Variants in FOXP3 observed in about 807,000 individuals in gnomAD.
FOXP3 encodes forkhead box P3.
Under a neutral mutation model 31.2 loss-of-function variants are expected in FOXP3, and 5 were observed. The observed-to-expected ratio is 0.16, with a 90% confidence interval of 0.08 to 0.34. FOXP3 has a LOEUF of 0.34. Among genes scored for constraint, FOXP3 ranks in the 10% least tolerant of loss-of-function variants. FOXP3 has a pLI of 1.00. For missense variants in FOXP3, 251 were observed against 363.0 expected, an observed-to-expected ratio of 0.69 and a Z score of 2.51; for synonymous variants, 141 against 148.8, an observed-to-expected ratio of 0.95 and a Z score of 0.38.
intron 8 of FOXP3, among the ~76,000 whole-genome samples, chrX:49,254,907 C>T (rs1468760837): frequency 1.8e-5 from 2 of 110,161 alleles, no homozygotes; most frequent in Non-Finnish European, 3.8e-5. Flanking sequence ...GCTTTAACAA[C>T]TCAGGATCAC....
At chrX:49,256,219 AAAGAGAGAGAGAGAGAG>A (rs2066069806) in intron 6 of FOXP3, among the ~76,000 whole-genome samples, 2 of 30,470 alleles carry the variant, frequency 6.6e-5, no homozygotes, top group Non-Finnish European at 1.4e-4. Flanking sequence ...AGAGAGAGAG[AAAGAGAGAGAGAGAGAG>A]AGAGAGAGAG....
Position 49,251,776 on chromosome X carries a change from G to T in FOXP3, c.1045-11C>A. On this transcript the variant is annotated splice_polypyrimidine_tract_variant and intron_variant, in intron 10 of 11. Coordinates refer to ENST00000376207, the MANE Select transcript of FOXP3 (RefSeq NM_014009.4). The stretch of plus-strand genomic sequence containing the variant: ...AGCCTCCAGGATGGCCTGGAAGTTG[G>T]GGGGTGGGGTAAGGGGCACATTCCC... The T allele has an allele frequency of 1.7e-6, 2 of 1,199,522 alleles. No homozygotes were observed. The highest frequency in any genetic ancestry group is 2.2e-6 in the Non-Finnish European group (2 of 894,800).
intron 8 of FOXP3, 140 bp from the exon 9 acceptor site, chrX:49,254,207 C>G (rs1335320576): frequency 1.4e-6 from 1 of 698,966 alleles, no homozygotes; most frequent in Non-Finnish European, 2.0e-6. Context: ...TCTCGGCTCA[C>G]TGCAACCCCC....
At chrX:49,254,757 T>C (rs1220272600) in intron 8 of FOXP3, among the ~76,000 whole-genome samples, 1 of 111,229 alleles carries the variant, frequency 9.0e-6, no homozygotes, top group African/African-American at 3.3e-5. Flanking sequence ...GCGTGTGACC[T>C]ATGTGGTTAT....
intron 8 of FOXP3, among the ~76,000 whole-genome samples, chrX:49,254,733 G>C (rs2066057277): frequency 9.0e-6 from 1 of 111,307 alleles, no homozygotes; most frequent in Non-Finnish European, 1.9e-5. Context: ...TGGCCTCCAG[G>C]GCTGGCTTCA....
At chrX:49,259,086 G>A (rs782406566) in intron 1 of FOXP3, 2 of 501,650 alleles carry the variant, frequency 4.0e-6, no homozygotes, top group South Asian at 2.7e-5. Flanking sequence ...TGGAGAAGGC[G>A]AGAAGTGGGT....
chrX:49,251,826 T>C (rs1283848957), intron 10 of FOXP3, 61 bp from the exon 11 acceptor site: 7 of 1,180,369 alleles, frequency 5.9e-6, no homozygotes. Flanking sequence ...AGAGGGGCTA[T>C]GACCTACCCC....
intron 1 of FOXP3, 57 bp from the exon 2 acceptor site, chrX:49,258,584 C>A: frequency 5.2e-6 from 5 of 960,054 alleles, no homozygotes; most frequent in Non-Finnish European, 7.0e-6. Context: ...ATGAGATACT[C>A]GACCACCTGA....
At chrX:49,252,469 G>C (rs1370099327) in intron 10 of FOXP3, among the ~76,000 whole-genome samples, 1 of 110,401 alleles carries the variant, frequency 9.1e-6, no homozygotes, top group Non-Finnish European at 1.9e-5. Context: ...TATCAGTCAG[G>C]ATGGGGCTAG....
intron 10 of FOXP3, 83 bp from the exon 11 acceptor site, chrX:49,251,848 C>T (rs2066034897): frequency 1.7e-6 from 2 of 1,164,748 alleles, no homozygotes; most frequent in Non-Finnish European, 2.3e-6. Context: ...AGCCATCTGA[C>T]ATGGGGGCGG....
chrX:49,253,904 G>A lies in FOXP3; in HGVS notation c.967+13C>T, dbSNP rs782436363. On this transcript the variant is annotated intron_variant, in intron 9 of 11. Coordinates refer to ENST00000376207, the MANE Select transcript of FOXP3 (RefSeq NM_014009.4). ...AGCTTGGGGGCACCGTGTAGTGCAA[G>A]GACCATTCTTACCTGGGAATGTGCT... The A allele has an allele frequency of 1.7e-6, 2 of 1,211,233 alleles. No individual in the cohort carries two copies. The highest frequency in any genetic ancestry group is 1.8e-5 in the South Asian group (1 of 56,922).
Position 49,250,860 on chromosome X carries a change from T to C in FOXP3, c.*474A>G, listed in dbSNP as rs951136180. 4.5e-5 allele frequency: 10 copies of C among 222,099 alleles called. No individual in the cohort carries two copies. The highest frequency in any genetic ancestry group is 4.0e-4 in the Admixed American group (6 of 14,974). 18.3% of individuals were successfully genotyped at this position (222,099 alleles called of 1,213,427 possible). On this transcript the variant is annotated 3_prime_UTR_variant, in exon 12 of 12. Transcript: ENST00000376207. The stretch of plus-strand genomic sequence containing the variant: ...CTTGGGGTGTGTGGGTTGTCAGGGC[T>C]GTGCTTGTGTGTGATTGTGTGATGA...
At chrX:49,253,806 A>AGTGGTG (rs1312460327) in intron 9 of FOXP3, 111 bp downstream of exon 9, 9 of 918,608 alleles carry the variant, frequency 9.8e-6, no homozygotes, top group Admixed American at 2.5e-5. Context: ...CGGCAGCTGC[A>AGTGGTG]GTGGTGGTGG....
chrX:49,255,009 T>G (rs1214438667), intron 8 of FOXP3, among the ~76,000 whole-genome samples: 4 of 106,131 alleles, frequency 3.8e-5, no homozygotes, highest in African/African-American at 1.4e-4. Flanking sequence ...AGTGCAGTGG[T>G]ATGATCTCAG....
intron 10 of FOXP3, among the ~76,000 whole-genome samples, chrX:49,252,774 G>C (rs1557115749): frequency 9.1e-6 from 1 of 109,954 alleles, no homozygotes; most frequent in African/African-American, 3.3e-5. Flanking sequence ...GTAAGAGCTG[G>C]GGTACGTTTA....
At chrX:49,261,234 T>C (rs1472698863) in intron 1 of FOXP3, among the ~76,000 whole-genome samples, 1 of 112,582 alleles carries the variant, frequency 8.9e-6, no homozygotes, top group African/African-American at 3.2e-5. Context: ...TCCAAACTCC[T>C]TGGAACCATC....
At position 49,251,121 on chromosome X, in the gene FOXP3, CG is replaced by C. The variant is rs2066027653; in HGVS notation, c.*212del. On this transcript the variant is annotated 3_prime_UTR_variant, in exon 12 of 12. Coordinates refer to ENST00000376207, the MANE Select transcript of FOXP3 (RefSeq NM_014009.4). ...CGGAGGTGGGGGCTGGGGCCAGGAC[CG>C]GGGCCCCTCTGAGCAGCCTTGGGGC... The C allele has an allele frequency of 2.3e-6, 1 of 431,993 alleles. No homozygotes were observed. Among genetic ancestry groups the C allele is most frequent in the Non-Finnish European group, 3.8e-6 (1 of 266,449 alleles). 35.6% of individuals were successfully genotyped at this position (431,993 alleles called of 1,213,427 possible). A position where few individuals can be genotyped will look rare whatever the true frequency, so the allele number is the denominator to read the frequency against.
chrX:49,257,500 G>A lies in FOXP3; in HGVS notation c.381C>T (p.Ala127=). 1 of 1,163,262 alleles carries A rather than the reference G, an allele frequency of 8.6e-7. No individual in the cohort carries two copies. Among genetic ancestry groups the A allele is most frequent in the Non-Finnish European group, 1.2e-6 (1 of 867,736 alleles). The change falls in exon 4 of 12, where the codon GCC becomes GCT. Residue 127 remains alanine (A), a synonymous_variant. Coordinates refer to ENST00000376207, the MANE Select transcript of FOXP3 (RefSeq NM_014009.4). ...VLQVHPLESP[A]MISLTPPTTA... Reference sequence around the variant, plus strand: ...TGGTGGGTGGTGTGAGGCTGATCATGGCTGGGCTCTCCAGGGGGTGCACCT... The same window carrying A: ...TGGTGGGTGGTGTGAGGCTGATCATAGCTGGGCTCTCCAGGGGGTGCACCT...
chrX:49,263,892 A>G (rs1342129614), intron 1 of FOXP3, among the ~76,000 whole-genome samples: 2 of 110,545 alleles, frequency 1.8e-5, no homozygotes, highest in Non-Finnish European at 3.8e-5. Context: ...CGATACAAGC[A>G]AAGTTCAGTT....
Sources: gnomAD v4.1 joint callset for allele counts (sites outside exome capture counted in the v4.1 genomes callset) on GRCh38, gnomAD v4.1.1 for gene constraint, MANE v1.5 for transcripts, NCBI Gene and HGNC (gene_info 2026-07-23, HGNC 2026-07-21) for gene names.